Variants in TANGO6 observed in about 807,000 individuals in gnomAD.
TANGO6 encodes transport and golgi organization 6 homolog.
A neutral mutation model predicts 114.2 loss-of-function variants in TANGO6; 90 were observed. The ratio of observed to expected loss-of-function variants is 0.79; its 90% CI spans 0.66 to 0.94. The LOEUF (loss-of-function observed/expected upper bound fraction) is 0.94. TANGO6 is among the 40% of genes least tolerant of loss of function. TANGO6 has a pLI of 0.00. For synonymous variants in TANGO6, 477 were observed against 509.8 expected (o/e 0.94, Z 0.87); for missense variants, 1,274 against 1,315.3 (o/e 0.97, Z 0.49).
At chr16:69,018,139 C>CTTT (rs34796579) in intron 15 of TANGO6, among the ~76,000 whole-genome samples, 802 of 77,030 alleles carry the variant, frequency 0.01, 17 homozygotes, top group Non-Finnish European at 0.014. Flanking sequence ...TTGGAAATCT[C>CTTT]TTTTTTTTTT....
intron 3 of TANGO6, among the ~76,000 whole-genome samples, chr16:68,864,731 C>T (rs772318950): frequency 6.6e-6 from 1 of 152,164 alleles, no homozygotes; most frequent in Non-Finnish European, 1.5e-5. Context: ...TTCCATCAGG[C>T]CTCTCTGGCA....
rs558410340 is a variant in TANGO6 at position 68,951,156 on chromosome 16, C to A, written c.2701+20861C>A. ...TGGACAACATGGCAAAATCCTGTCT[C>A]TATAAAAATTTTAAAAATTAGCCGG... On this transcript the variant is annotated intron_variant, in intron 14 of 17. Coordinates refer to ENST00000261778, the MANE Select transcript of TANGO6 (RefSeq NM_024562.2). Among the ~76,000 whole-genome samples the A allele has an allele frequency of 2.0e-5, 3 of 152,022 alleles. No homozygotes were observed. The East Asian group carries it at 5.8e-4, about 30-fold the overall frequency.
At chr16:69,036,823 C>T (rs1053525722) in intron 16 of TANGO6, among the ~76,000 whole-genome samples, 2 of 151,946 alleles carry the variant, frequency 1.3e-5, no homozygotes, top group African/African-American at 2.4e-5. Flanking sequence ...ATTAGCTATG[C>T]GTAGTGGTAC....
At chr16:68,861,504 C>A (rs771746118) in intron 2 of TANGO6, among the ~76,000 whole-genome samples, 1 of 152,148 alleles carries the variant, frequency 6.6e-6, no homozygotes, top group African/African-American at 2.4e-5. Flanking sequence ...GTCCTCCTTC[C>A]GGCAGGGTTA....
intron 16 of TANGO6, among the ~76,000 whole-genome samples, chr16:69,030,987 T>C (rs1293010516): frequency 6.6e-6 from 1 of 151,660 alleles, no homozygotes; most frequent in Admixed American, 6.6e-5. Context: ...ACCCCGGAGG[T>C]GGAGGTTGCA....
rs569485473 is a variant in TANGO6, at chr16:68,901,063, A to G, written c.1490+517A>G. Among the ~76,000 whole-genome samples, 125 of 152,318 alleles carry G rather than the reference A, an allele frequency of 8.2e-4. No homozygotes were observed. The Middle Eastern group carries it at 0.014, about 17-fold the overall frequency. The stretch of plus-strand genomic sequence containing the variant: ...AGAATTTAAGTAGGATTCATTTTGT[A>G]TCAGCTCTATTTTCACAGTAATTTA... On this transcript the variant is annotated intron_variant, in intron 8 of 17. Coordinates refer to ENST00000261778, the MANE Select transcript of TANGO6 (RefSeq NM_024562.2).
At chr16:68,947,385 C>T (rs1007121202) in intron 14 of TANGO6, among the ~76,000 whole-genome samples, 5 of 151,408 alleles carry the variant, frequency 3.3e-5, no homozygotes, top group African/African-American at 7.3e-5. Context: ...ACCAGGGAGT[C>T]GAAGGTTGCG....
intron 13 of TANGO6, among the ~76,000 whole-genome samples, chr16:68,929,309 A>T (rs867934836): frequency 6.6e-6 from 1 of 152,210 alleles, no homozygotes; most frequent in Admixed American, 6.5e-5. Flanking sequence ...TCTGCTGTAC[A>T]TAATTGGTCA....
intron 14 of TANGO6, among the ~76,000 whole-genome samples, chr16:68,973,687 AAACTGCTCCCATCACTG>A (rs1963732874): frequency 6.6e-6 from 1 of 152,206 alleles, no homozygotes; most frequent in Admixed American, 6.5e-5. Flanking sequence ...TTCCTTGTGG[AAACTGCTCCCATCACTG>A]GCAGTTCCAC....
intron 17 of TANGO6, among the ~76,000 whole-genome samples, chr16:69,042,553 CAA>C (rs1229073929): frequency 6.6e-6 from 1 of 151,970 alleles, no homozygotes; most frequent in Non-Finnish European, 1.5e-5. Flanking sequence ...TCTCAAAAAA[CAA>C]ACAAAAAACT....
At chr16:68,883,485 A>G (rs949753748) in intron 7 of TANGO6, among the ~76,000 whole-genome samples, 2 of 152,044 alleles carry the variant, frequency 1.3e-5, no homozygotes, top group African/African-American at 4.8e-5. Context: ...ATTTCTTTTC[A>G]TTGCCAAATG....
At chr16:68,957,309 G>A (rs569543875) in intron 14 of TANGO6, among the ~76,000 whole-genome samples, 2 of 151,716 alleles carry the variant, frequency 1.3e-5, no homozygotes, top group South Asian at 4.2e-4. Flanking sequence ...TATAACATTA[G>A]GCAATAATTC....
At chr16:68,911,856 C>T (rs968345588) in intron 11 of TANGO6, among the ~76,000 whole-genome samples, 2 of 152,170 alleles carry the variant, frequency 1.3e-5, no homozygotes, top group African/African-American at 4.8e-5. Context: ...TACAAGGAAG[C>T]GACCTGAGAT....
chr16:68,903,363 A>G (rs1567535852), intron 9 of TANGO6, among the ~76,000 whole-genome samples: 1 of 152,200 alleles, frequency 6.6e-6, no homozygotes, highest in Non-Finnish European at 1.5e-5. Context: ...TCACACCTGT[A>G]ATCCCAGCAC....
At chr16:68,924,822 A>G (rs748390198) in intron 12 of TANGO6, among the ~76,000 whole-genome samples, 11 of 151,710 alleles carry the variant, frequency 7.3e-5, no homozygotes, top group Non-Finnish European at 1.3e-4. Context: ...AACTCCTCAC[A>G]TAGCTGCTGC....
chr16:68,927,068 C>T (rs1339324355), intron 12 of TANGO6: 5 of 155,288 alleles, frequency 3.2e-5, no homozygotes, highest in Admixed American at 3.2e-4. Context: ...TCCCTTTCTT[C>T]CCGTTTTCTC....
At chr16:68,902,247 C>T in intron 8 of TANGO6, 81 bp from the exon 9 acceptor site, 2 of 1,381,118 alleles carry the variant, frequency 1.4e-6, no homozygotes, top group Non-Finnish European at 2.0e-6. Flanking sequence ...AACCTGACAG[C>T]CTTTCTTTCT....
chr16:69,051,855 AAT>A (rs200964343), intron 17 of TANGO6, among the ~76,000 whole-genome samples: 5 of 151,658 alleles, frequency 3.3e-5, no homozygotes, highest in Middle Eastern at 3.4e-3. Context: ...AAAAATTAAA[AAT>A]ATATATATAT....
At chr16:69,045,356 A>C (rs1051701426) in intron 17 of TANGO6, among the ~76,000 whole-genome samples, 2 of 147,170 alleles carry the variant, frequency 1.4e-5, no homozygotes, top group African/African-American at 5.1e-5. Context: ...AGGCAGGAGA[A>C]TGGCGTGAAC....
Sources: allele counts gnomAD v4.1 joint callset (sites outside exome capture counted in the v4.1 genomes callset), GRCh38; gene constraint gnomAD v4.1.1; transcripts MANE v1.5; gene names NCBI Gene and HGNC (gene_info 2026-07-23, HGNC 2026-07-21).